Variants in SLC9A7 observed in about 807,000 individuals in gnomAD.
SLC9A7 encodes solute carrier family 9 member A7, also known as sodium/hydrogen exchanger 7.
Under a neutral mutation model 52.6 loss-of-function variants are expected in SLC9A7, and 19 were observed. That is an observed-to-expected ratio of 0.36 (90% CI 0.25 to 0.53). The LOEUF is 0.53. Ranked by LOEUF, SLC9A7 falls within the 20% of genes least tolerant of loss-of-function variation. The pLI, the probability that SLC9A7 is intolerant of heterozygous loss-of-function variation, is 0.91. For synonymous variants in SLC9A7, 226 were observed against 252.1 expected, an observed-to-expected ratio of 0.90 and a Z score of 0.98; for missense variants, 455 against 597.9, an observed-to-expected ratio of 0.76 and a Z score of 2.49.
Position 46,669,623 on chromosome X carries a change from G to A in SLC9A7, c.777C>T (p.Ile259=). The A allele has an allele frequency of 8.6e-7, 1 of 1,160,336 alleles. No homozygotes were observed. The highest frequency in any genetic ancestry group is 1.9e-5 in the South Asian group (1 of 51,419). ...YTDCLFFGAI[I]SATDPVTVLA... ...GCCAAATACCTGGGTCAGTGGCAGA[G>A]ATGATTGCTCCAAAAAAGAGACAAT... Residue 259 remains isoleucine, a synonymous_variant, in exon 5 of 17, where the codon ATC becomes ATT. Coordinates refer to ENST00000616978, the MANE Select transcript of SLC9A7 (RefSeq NM_001257291.2).
At chrX:46,638,372 T>TAG (rs1042937422) in intron 12 of SLC9A7, among the ~76,000 whole-genome samples, 2 of 111,699 alleles carry the variant, frequency 1.8e-5, no homozygotes, top group African/African-American at 6.5e-5. Context: ...GCTGTCTGGA[T>TAG]AGAGTCAGAC....
chrX:46,719,452 T>A (rs1304401436), intron 1 of SLC9A7, among the ~76,000 whole-genome samples: 3 of 110,907 alleles, frequency 2.7e-5, no homozygotes, highest in Non-Finnish European at 5.7e-5. Flanking sequence ...ATAAAAAAAA[T>A]TTATCCAACT....
chrX:46,748,608 A>G (rs901131992), intron 1 of SLC9A7, among the ~76,000 whole-genome samples: 1 of 107,304 alleles, frequency 9.3e-6, no homozygotes, highest in East Asian at 3.0e-4. Context: ...AGTATTATTC[A>G]GCCACAGAAA....
At chrX:46,736,726 G>A in intron 1 of SLC9A7, among the ~76,000 whole-genome samples, 1 of 111,046 alleles carries the variant, frequency 9.0e-6, no homozygotes, top group East Asian at 2.8e-4. Flanking sequence ...TTTGCCACAA[G>A]ATTTTTCTCA....
intron 7 of SLC9A7, among the ~76,000 whole-genome samples, chrX:46,659,125 CAT>C (rs1344747203): frequency 9.0e-6 from 1 of 111,701 alleles, no homozygotes; most frequent in Non-Finnish European, 1.9e-5. Context: ...ACAAAAACCA[CAT>C]GATTATCTCA....
intron 1 of SLC9A7, among the ~76,000 whole-genome samples, chrX:46,707,970 C>T (rs1239787774): frequency 1.8e-5 from 2 of 109,589 alleles, no homozygotes; most frequent in African/African-American, 6.6e-5. Flanking sequence ...AAACTCCTGA[C>T]CTCAAGCGAT....
At chrX:46,757,599 T>C (rs1294870323) in intron 1 of SLC9A7, among the ~76,000 whole-genome samples, 1 of 112,729 alleles carries the variant, frequency 8.9e-6, no homozygotes, top group Non-Finnish European at 1.9e-5. Context: ...CCTCAGTATA[T>C]GTGATAAAAT....
intron 15 of SLC9A7, among the ~76,000 whole-genome samples, chrX:46,614,056 T>C (rs988208813): frequency 1.8e-5 from 2 of 111,898 alleles, no homozygotes; most frequent in Non-Finnish European, 3.8e-5. Context: ...CTCAACACTA[T>C]TGACATTTAG....
rs782143372 is a variant in SLC9A7, at chrX:46,758,913, G to C, written c.117C>G (p.Ala39=). The change falls in exon 1 of 17, where the codon GCC becomes GCG. Residue 39 remains alanine, a synonymous_variant. Coordinates refer to ENST00000616978, the MANE Select transcript of SLC9A7 (RefSeq NM_001257291.2). The part of the protein sequence containing the change: ...LGWGLRVAAA[A]SASSSGAAAE... ...CCGCCGCCCCAGAGGAGGAGGCCGAGGCCGCGGCCGCGACTCGCAGCCCCC... is the reference window on the plus strand; with the variant it reads ...CCGCCGCCCCAGAGGAGGAGGCCGACGCCGCGGCCGCGACTCGCAGCCCCC... The C allele has an allele frequency of 1.7e-6, 2 of 1,155,150 alleles. No homozygotes were observed. The highest frequency in any genetic ancestry group is 1.8e-5 in the African/African-American group (1 of 54,212).
intron 1 of SLC9A7, among the ~76,000 whole-genome samples, chrX:46,722,825 C>A (rs1944880746): frequency 8.9e-6 from 1 of 112,078 alleles, no homozygotes; most frequent in African/African-American, 3.2e-5. Context: ...CCTTAGTAAG[C>A]AGCAGGTAAC....
Position 46,602,102 on chromosome X carries a change from A to T in SLC9A7, c.*4850T>A, listed in dbSNP as rs902087631. On this transcript the variant is annotated 3_prime_UTR_variant, in exon 17 of 17. Coordinates refer to ENST00000616978, the MANE Select transcript of SLC9A7 (RefSeq NM_001257291.2). ...CAGAAACCTTCATGCTTGATTAGTTAGCAGCTCAGTTAAGACAATACCTTC... is the reference window on the plus strand; with the variant it reads ...CAGAAACCTTCATGCTTGATTAGTTTGCAGCTCAGTTAAGACAATACCTTC... 3 of 111,081 alleles carry T rather than the reference A, an allele frequency of 2.7e-5. No individual in the cohort carries two copies. Among genetic ancestry groups the T allele is most frequent in the African/African-American group, 9.8e-5 (3 of 30,515 alleles). 9.2% of individuals were successfully genotyped at this position (111,081 alleles called of 1,213,427 possible). A position where few individuals can be genotyped will look rare whatever the true frequency, so the allele number is the denominator to read the frequency against.
chrX:46,682,379 G>A lies in SLC9A7; in HGVS notation c.482C>T (p.Pro161Leu). ...CTGCTCTACGCTGTTGATCTTGCCA[G>A]GACTGATTTCTCCTTTCAGAGTGTA... Reference protein sequence around the residue: ...FEYTLKGEISPGKINSVEQND... With the variant: ...FEYTLKGEISLGKINSVEQND... Residue 161 changes from proline (P) to leucine (L), a missense_variant, in exon 2 of 17, where the codon CCT becomes CTT. Coordinates refer to ENST00000616978, the MANE Select transcript of SLC9A7 (RefSeq NM_001257291.2). 1.7e-6 allele frequency: 2 copies of A among 1,211,556 alleles called. No homozygotes were observed. The highest frequency in any genetic ancestry group is 2.2e-6 in the Non-Finnish European group (2 of 895,402).
chrX:46,664,356 A>AT (rs1261104817), intron 5 of SLC9A7, among the ~76,000 whole-genome samples: 1 of 111,637 alleles, frequency 9.0e-6, no homozygotes, highest in African/African-American at 3.3e-5. Context: ...ATTTTTTATG[A>AT]TTGTAGTGGA....
At chrX:46,708,348 C>T (rs1263478876) in intron 1 of SLC9A7, among the ~76,000 whole-genome samples, 2 of 109,697 alleles carry the variant, frequency 1.8e-5, no homozygotes, top group African/African-American at 3.3e-5. Flanking sequence ...GCCAACATGG[C>T]GAAACCCTAG....
chrX:46,672,010 T>C (rs1305874320), intron 4 of SLC9A7, among the ~76,000 whole-genome samples: 1 of 112,175 alleles, frequency 8.9e-6, no homozygotes, highest in African/African-American at 3.2e-5. Flanking sequence ...CCCCATTTAT[T>C]TATTCATCCA....
chrX:46,690,825 G>C (rs137861783), intron 1 of SLC9A7, among the ~76,000 whole-genome samples: 1,915 of 111,832 alleles, frequency 0.017, 54 homozygotes, highest in African/African-American at 0.059. Flanking sequence ...TTGCATACGG[G>C]TATCTAATTG....
chrX:46,659,547 A>G (rs1456143061), intron 7 of SLC9A7, among the ~76,000 whole-genome samples: 7 of 43,200 alleles, frequency 1.6e-4, no homozygotes, highest in African/African-American at 3.8e-4. Context: ...AAATCAATGT[A>G]CAAAAATCAC....
chrX:46,713,619 CT>C (rs941262108), intron 1 of SLC9A7, among the ~76,000 whole-genome samples: 2 of 110,240 alleles, frequency 1.8e-5, no homozygotes, highest in African/African-American at 6.6e-5. Context: ...AAAGTTTTTT[CT>C]GCGGAGGGTC....
intron 5 of SLC9A7, among the ~76,000 whole-genome samples, chrX:46,666,118 T>C (rs1420003865): frequency 9.0e-6 from 1 of 111,723 alleles, no homozygotes; most frequent in Non-Finnish European, 1.9e-5. Flanking sequence ...TTTTGTTTCA[T>C]TTTTTAAAGA....
Sources: allele counts gnomAD v4.1 joint callset (sites outside exome capture counted in the v4.1 genomes callset), GRCh38; gene constraint gnomAD v4.1.1; transcripts MANE v1.5; gene names NCBI Gene and HGNC (gene_info 2026-07-23, HGNC 2026-07-21).